GRK3: variants seen among roughly 807,000 people sequenced by gnomAD.
GRK3 encodes G protein-coupled receptor kinase 3, also known as adrenergic, beta, receptor kinase 2.
Under a neutral mutation model 95.7 loss-of-function variants are expected in GRK3, and 54 were observed. The ratio of observed to expected loss-of-function variants is 0.56; its 90% CI spans 0.45 to 0.71. GRK3 has a LOEUF of 0.71. GRK3 is among the 30% of genes least tolerant of loss of function. GRK3 has a pLI of 0.00. For synonymous variants in GRK3, 281 were observed against 290.8 expected, an observed-to-expected ratio of 0.97 and a Z score of 0.34; for missense variants, 649 against 851.2, an observed-to-expected ratio of 0.76 and a Z score of 2.96.
intron 18 of GRK3, among the ~76,000 whole-genome samples, chr22:25,717,054 C>T (rs2085392196): frequency 6.6e-6 from 1 of 152,322 alleles, no homozygotes; most frequent in Non-Finnish European, 1.5e-5. Flanking sequence ...AAACTGGTCC[C>T]CGGTGCCAAG....
chr22:25,703,036 T>G, intron 13 of GRK3: 1 of 361,002 alleles, frequency 2.8e-6, no homozygotes, highest in Non-Finnish European at 5.5e-6. Context: ...TTAAAATGAC[T>G]GGTTTCTAGG....
intron 3 of GRK3, among the ~76,000 whole-genome samples, chr22:25,659,230 A>G (rs2084894017): frequency 6.6e-6 from 1 of 152,152 alleles, no homozygotes; most frequent in African/African-American, 2.4e-5. Context: ...AGAGAAGAAT[A>G]TTTCAAAGAA....
chr22:25,660,185 G>A (rs1006601969), intron 3 of GRK3, among the ~76,000 whole-genome samples: 2 of 152,244 alleles, frequency 1.3e-5, no homozygotes, highest in Admixed American at 1.3e-4. Context: ...ACTCTCCTTC[G>A]GATTTTGGTA....
rs2085441630 is a variant in GRK3 at position 25,722,548 on chromosome 22, C to A, written c.*98C>A. 4 of 1,294,864 alleles carry A rather than the reference C, an allele frequency of 3.1e-6. No homozygotes were observed. Among genetic ancestry groups the A allele is most frequent in the Non-Finnish European group, 4.3e-6 (4 of 937,962 alleles). The allele number at this position is 1,294,864 out of a possible 1,614,324, so 80.2% of individuals were successfully genotyped here. A position where few individuals can be genotyped will look rare whatever the true frequency, so the allele number is the denominator to read the frequency against. ...GCATCTGATCTATTCGCTACCGGGA[C>A]TCCTCCAGGCTCCCGAGAGGAGTCG... is the stretch of plus-strand genomic sequence containing the variant. On this transcript the variant is annotated 3_prime_UTR_variant, in exon 21 of 21. Transcript: ENST00000324198.
intron 13 of GRK3, among the ~76,000 whole-genome samples, chr22:25,696,234 C>T (rs1013419956): frequency 1.3e-5 from 2 of 152,184 alleles, no homozygotes; most frequent in Non-Finnish European, 2.9e-5. Flanking sequence ...CCCACCTCAG[C>T]CTCCCAAAGT....
In GRK3 at chr22:25,592,804, C is replaced by G. The variant is rs575673424; in HGVS notation, c.114-11573C>G. Among the ~76,000 whole-genome samples the G allele has an allele frequency of 3.7e-4, 56 of 151,280 alleles. No homozygotes were observed. In the Middle Eastern group the frequency reaches 0.014, roughly 37 times the overall value. On this transcript the variant is annotated intron_variant, in intron 1 of 20. Transcript: ENST00000324198. ...TGTTTCAACCCTTGCTCCCTTCCCT[C>G]CCTCCCCCGCCATTCATCCCTGGTA...
At chr22:25,708,976 G>A (rs1376173639) in intron 15 of GRK3, among the ~76,000 whole-genome samples, 1 of 151,726 alleles carries the variant, frequency 6.6e-6, no homozygotes, top group East Asian at 1.9e-4. Context: ...TTTGCTCTGG[G>A]TACTCCAAGT....
chr22:25,654,740 T>C (rs2084857881), intron 3 of GRK3, among the ~76,000 whole-genome samples: 1 of 152,216 alleles, frequency 6.6e-6, no homozygotes. Flanking sequence ...ATGGGCAATC[T>C]ACTTGTGGTT....
intron 5 of GRK3, among the ~76,000 whole-genome samples, chr22:25,664,431 A>G (rs756735023): frequency 1.3e-5 from 2 of 152,074 alleles, no homozygotes; most frequent in African/African-American, 2.4e-5. Flanking sequence ...ATTGAGTAAT[A>G]TAATGGTTTT....
intron 1 of GRK3, among the ~76,000 whole-genome samples, chr22:25,596,886 T>G (rs1236089118): frequency 6.6e-6 from 1 of 152,194 alleles, no homozygotes; most frequent in African/African-American, 2.4e-5. Context: ...TTAATTCATT[T>G]TAAATAATAT....
chr22:25,652,868 C>G (rs1019803111), intron 3 of GRK3, among the ~76,000 whole-genome samples: 4 of 152,072 alleles, frequency 2.6e-5, no homozygotes, highest in African/African-American at 9.7e-5. Flanking sequence ...TTACAGTTGC[C>G]TGCAGTATTC....
chr22:25,594,978 T>A (rs1457823566), intron 1 of GRK3, among the ~76,000 whole-genome samples: 3 of 152,182 alleles, frequency 2.0e-5, no homozygotes, highest in African/African-American at 7.2e-5. Context: ...GTACGCTTCA[T>A]GTTAAAAATC....
In GRK3 at chr22:25,704,187, C is replaced by G; in HGVS notation, c.1306C>G (p.Arg436Gly). ...EGLLQRDVSKRLGCHGGGSQE... is the reference protein window; with the variant it reads ...EGLLQRDVSKGLGCHGGGSQE... ...CTTGCTTCAGCGAGACGTTAGCAAG[C>G]GGCTGGGCTGTCACGGAGGCGGGTA... Residue 436 changes from arginine to glycine, a missense_variant, in exon 15 of 21, where the codon CGG (arginine) becomes GGG (glycine). By Grantham distance (125) the Arg-to-Gly change is moderately radical (BLOSUM62 -2). Coordinates refer to ENST00000324198, the MANE Select transcript of GRK3 (RefSeq NM_005160.4). The G allele has an allele frequency of 6.2e-7, 1 of 1,612,932 alleles. No homozygotes were observed. The highest frequency in any genetic ancestry group is 8.5e-7 in the Non-Finnish European group (1 of 1,179,374).
intron 1 of GRK3, among the ~76,000 whole-genome samples, chr22:25,581,647 GA>G (rs369637715): frequency 0.02 from 2,884 of 145,390 alleles, 78 homozygotes; most frequent in African/African-American, 0.068. Context: ...AGAAGGATGA[GA>G]AAAAAAAAAT....
intron 3 of GRK3, among the ~76,000 whole-genome samples, chr22:25,645,725 A>G (rs1167625170): frequency 1.3e-5 from 2 of 152,124 alleles, no homozygotes; most frequent in Non-Finnish European, 2.9e-5. Context: ...GATCGAGACC[A>G]TCCTGGCTAA....
intron 15 of GRK3, among the ~76,000 whole-genome samples, chr22:25,708,369 G>A (rs1292425304): frequency 1.3e-5 from 2 of 152,200 alleles, no homozygotes; most frequent in African/African-American, 4.8e-5. Context: ...GGCTGGGCCT[G>A]TGCAGGAGCA....
chr22:25,661,131 C>T (rs2146400626), intron 3 of GRK3, among the ~76,000 whole-genome samples: 1 of 152,252 alleles, frequency 6.6e-6, no homozygotes, highest in African/African-American at 2.4e-5. Flanking sequence ...GGAATTCTGG[C>T]AGTATATTTT....
At chr22:25,703,027 T>A (rs373604446) in intron 13 of GRK3, 1 of 365,234 alleles carries the variant, frequency 2.7e-6, no homozygotes, top group African/African-American at 2.1e-5. Flanking sequence ...ATGTATTACT[T>A]AAAATGACTG....
chr22:25,590,440 G>T (rs1043638081), intron 1 of GRK3, among the ~76,000 whole-genome samples: 1 of 151,708 alleles, frequency 6.6e-6, no homozygotes, highest in Non-Finnish European at 1.5e-5. Context: ...TTTCTCTTGA[G>T]ACTTTTTGTT....
Sources: allele counts gnomAD v4.1 joint callset (sites outside exome capture counted in the v4.1 genomes callset), GRCh38; gene constraint gnomAD v4.1.1; transcripts MANE v1.5; gene names NCBI Gene and HGNC (gene_info 2026-07-23, HGNC 2026-07-21).